Variants in THBS4 observed in about 807,000 individuals in gnomAD.
The protein encoded by THBS4 is thrombospondin 4, also known as thrombospondin-4.
THBS4 carries 90 observed loss-of-function variants against 115.7 expected under a neutral mutation model. The observed-to-expected ratio is 0.78, with a 90% confidence interval of 0.66 to 0.93. The LOEUF is 0.93. THBS4 is among the 40% of genes least tolerant of loss of function. THBS4 has a pLI of 0.00. For synonymous variants in THBS4, 460 were observed against 479.3 expected (o/e 0.96, Z 0.53); for missense variants, 1,087 against 1,232.7 (o/e 0.88, Z 1.77).
At chr5:80,060,476 GC>G (rs1833594578) in intron 7 of THBS4, among the ~76,000 whole-genome samples, 1 of 152,174 alleles carries the variant, frequency 6.6e-6, no homozygotes, top group South Asian at 2.1e-4. Context: ...CCCTGGTTAG[GC>G]AGGCCAGCCT....
chr5:80,049,013 G>A (rs1319757104), intron 2 of THBS4, among the ~76,000 whole-genome samples: 1 of 151,998 alleles, frequency 6.6e-6, no homozygotes, highest in African/African-American at 2.4e-5. Context: ...AAAGCAAAGA[G>A]CTCCAGACTA....
intron 2 of THBS4, among the ~76,000 whole-genome samples, chr5:80,025,412 A>AT (rs1309000646): frequency 6.6e-6 from 1 of 152,210 alleles, no homozygotes; most frequent in Admixed American, 6.5e-5. Context: ...CTGCTTAACT[A>AT]TTGGATACAC....
intron 2 of THBS4, among the ~76,000 whole-genome samples, chr5:80,054,667 G>A (rs986660832): frequency 2.0e-5 from 3 of 151,926 alleles, no homozygotes; most frequent in Admixed American, 2.0e-4. Flanking sequence ...GTCTCACTAT[G>A]TTGCCTAGGT....
chr5:80,040,377 A>G, intron 2 of THBS4, 97 bp downstream of exon 2: 1 of 966,036 alleles, frequency 1.0e-6, no homozygotes, highest in Non-Finnish European at 1.5e-6. Flanking sequence ...TTGTACAATT[A>G]TATTCTCACT....
chr5:79,997,123 G>C (rs1282895384), intron 1 of THBS4, among the ~76,000 whole-genome samples: 1 of 151,664 alleles, frequency 6.6e-6, no homozygotes, highest in Non-Finnish European at 1.5e-5. Flanking sequence ...TAGTCAGAGA[G>C]ATGAGAAGTT....
At chr5:80,063,715 G>A (rs1833716840) in intron 8 of THBS4, among the ~76,000 whole-genome samples, 1 of 152,178 alleles carries the variant, frequency 6.6e-6, no homozygotes, top group Non-Finnish European at 1.5e-5. Flanking sequence ...AACAAACCAA[G>A]GAAACATAAG....
Position 80,083,190 on chromosome 5 carries a change from T to TAAAC in THBS4, c.*50_*51insAACA. 6.7e-7 allele frequency: 1 copy of TAAAC among 1,498,180 alleles called. No homozygotes were observed. The highest frequency in any genetic ancestry group is 9.3e-7 in the Non-Finnish European group (1 of 1,075,250). The allele number at this position is 1,498,180 out of a possible 1,614,324, so 92.8% of individuals were successfully genotyped here. A position where few individuals can be genotyped will look rare whatever the true frequency, so the allele number is the denominator to read the frequency against. On this transcript the variant is annotated 3_prime_UTR_variant, in exon 22 of 22. Coordinates refer to ENST00000350881, the MANE Select transcript of THBS4 (RefSeq NM_003248.6). ...CTTTTCGGAACACTAAAACCATATA[T>TAAAC]ATTTTAACTTCAATTTTCTTTAGCT... is the stretch of plus-strand genomic sequence containing the variant.
Position 80,059,875 on chromosome 5 carries a change from A to C in THBS4, c.957A>C (p.Gly319=), listed in dbSNP as rs747728152. Residue 319 remains glycine, a synonymous_variant, in exon 7 of 22, where the codon GGA becomes GGC. Coordinates refer to ENST00000350881, the MANE Select transcript of THBS4 (RefSeq NM_003248.6). The part of the protein sequence containing the change: ...QCGPCPEGYT[G]NGITCIDVDE... ...GGCCCTGCCCCGAGGGCTACACAGG[A>C]AACGGGATCACCTGTATTGATGTTG... The C allele has an allele frequency of 1.2e-6, 2 of 1,614,172 alleles. No individual in the cohort carries two copies. The highest frequency in any genetic ancestry group is 1.7e-6 in the Non-Finnish European group (2 of 1,180,038).
chr5:79,996,590 A>G (rs1831799400), intron 1 of THBS4, among the ~76,000 whole-genome samples: 1 of 152,132 alleles, frequency 6.6e-6, no homozygotes, highest in African/African-American at 2.4e-5. Flanking sequence ...CTCTAAAGAT[A>G]CTTTGTTACC....
At chr5:80,073,819 A>G (rs1178502335) in intron 15 of THBS4, among the ~76,000 whole-genome samples, 1 of 152,180 alleles carries the variant, frequency 6.6e-6, no homozygotes, top group Non-Finnish European at 1.5e-5. Context: ...AAAGTTCTGT[A>G]TAGGGTATAA....
At chr5:79,998,933 G>A (rs2151148974) in intron 2 of THBS4, among the ~76,000 whole-genome samples, 1 of 152,234 alleles carries the variant, frequency 6.6e-6, no homozygotes, top group South Asian at 2.1e-4. Flanking sequence ...TGGCCACATG[G>A]CTCTCTAGAA....
At chr5:80,009,595 A>G (rs1422263589) in intron 2 of THBS4, among the ~76,000 whole-genome samples, 7 of 152,042 alleles carry the variant, frequency 4.6e-5, no homozygotes, top group Admixed American at 1.3e-4. Context: ...TTTCCACTCA[A>G]ATTCTTTGTG....
At chr5:80,037,561 A>G (rs896331763) in intron 1 of THBS4, among the ~76,000 whole-genome samples, 11 of 152,178 alleles carry the variant, frequency 7.2e-5, no homozygotes, top group African/African-American at 1.4e-4. Flanking sequence ...AACACTCTCT[A>G]TGTTCATTAC....
At chr5:80,078,864 C>T in intron 17 of THBS4, 57 bp from the exon 18 acceptor site, 3 of 1,572,140 alleles carry the variant, frequency 1.9e-6, no homozygotes, top group South Asian at 1.2e-5. Context: ...TTTGAGCTTC[C>T]TTAAGGTTAC....
At chr5:80,026,225 ATACTT>A (rs1832473709) in intron 2 of THBS4, among the ~76,000 whole-genome samples, 1 of 152,234 alleles carries the variant, frequency 6.6e-6, no homozygotes, top group Non-Finnish European at 1.5e-5. Flanking sequence ...AAGAAACACT[ATACTT>A]AGAAGGAGAT....
chr5:80,080,579 C>CTTTTTTTTTTTTT (rs67048630), intron 20 of THBS4, among the ~76,000 whole-genome samples: 1,592 of 50,470 alleles, frequency 0.032, 307 homozygotes, highest in Middle Eastern at 0.045. Context: ...GCGCTTGTAT[C>CTTTTTTTTTTTTT]TTTTTTTTTT....
At chr5:80,060,200 A>G (rs1833586053) in intron 7 of THBS4, among the ~76,000 whole-genome samples, 1 of 152,214 alleles carries the variant, frequency 6.6e-6, no homozygotes, top group African/African-American at 2.4e-5. Context: ...TTTCTCTTAA[A>G]TAGTCTGTGC....
chr5:80,002,689 C>A lies in THBS4; in HGVS notation n.177+4262C>A, dbSNP rs542513985. On this transcript the variant is annotated intron_variant and non_coding_transcript_variant, in intron 2 of 3. Transcript: ENST00000510218. ...AGCAGTAAATGGCATTGTGGTGAGT[C>A]CTGTAATTGGAGATAGTAGAGAAAC... Among the ~76,000 whole-genome samples the A allele has an allele frequency of 5.9e-4, 87 of 148,248 alleles. No homozygotes were observed. The South Asian group carries it at 7.2e-3, about 12-fold the overall frequency.
At chr5:80,008,146 A>C (rs1373381896) in intron 2 of THBS4, among the ~76,000 whole-genome samples, 3 of 152,226 alleles carry the variant, frequency 2.0e-5, no homozygotes, top group Admixed American at 6.5e-5. Context: ...TGTTTATAGT[A>C]ATACTATCTT....
Sources: gnomAD v4.1 joint callset for allele counts (sites outside exome capture counted in the v4.1 genomes callset) on GRCh38, gnomAD v4.1.1 for gene constraint, MANE v1.5 for transcripts, NCBI Gene and HGNC (gene_info 2026-07-23, HGNC 2026-07-21) for gene names.